CCDC148: variants seen among roughly 807,000 people sequenced by gnomAD.
CCDC148 encodes the protein coiled-coil domain containing 148.
A neutral mutation model predicts 85.7 loss-of-function variants in CCDC148; 89 were observed. The observed-to-expected ratio is 1.04, with a 90% confidence interval of 0.87 to 1.24. The LOEUF (loss-of-function observed/expected upper bound fraction) is 1.24. CCDC148 is among the 50% of genes most tolerant of loss of function. The pLI, the probability that CCDC148 is intolerant of heterozygous loss-of-function variation, is 0.00. For missense variants in CCDC148, 692 were observed against 671.7 expected, an observed-to-expected ratio of 1.03 and a Z score of -0.33; for synonymous variants, 230 against 213.9, an observed-to-expected ratio of 1.08 and a Z score of -0.66.
chr2:158,225,445 C>A (rs1393862025), intron 10 of CCDC148, among the ~76,000 whole-genome samples: 1 of 152,064 alleles, frequency 6.6e-6, no homozygotes, highest in Non-Finnish European at 1.5e-5. Context: ...CAGCTCTGCA[C>A]CAAGCAGAAC....
intron 9 of CCDC148, among the ~76,000 whole-genome samples, chr2:158,273,493 C>A (rs1463565895): frequency 2.0e-5 from 3 of 152,156 alleles, no homozygotes; most frequent in Non-Finnish European, 2.9e-5. Flanking sequence ...GCCTGATGGG[C>A]ACGTGCGTCT....
intron 11 of CCDC148, among the ~76,000 whole-genome samples, chr2:158,213,579 A>C (rs1449875319): frequency 1.3e-5 from 2 of 152,326 alleles, no homozygotes; most frequent in African/African-American, 2.4e-5. Context: ...TAAAGGGGAG[A>C]AAGGCCCCTG....
rs372303170 is a variant in CCDC148, at chr2:158,176,520, C to T, written c.1629+1G>A. ...TCAGTCATGCTAATTTCCATAATTA[C>T]CTGCTGTTCATTGTATGTATTCAAT... On this transcript the variant is annotated splice_donor_variant, in intron 13 of 13. Coordinates refer to ENST00000283233, the MANE Select transcript of CCDC148 (RefSeq NM_138803.4). LOFTEE classifies it high-confidence loss of function. 2.9e-5 allele frequency: 47 copies of T among 1,609,982 alleles called. 2 individuals carry two copies. In the South Asian group the frequency reaches 4.5e-4, roughly 15 times the overall value.
At chr2:158,383,568 T>C (rs1684967119) in intron 1 of CCDC148, among the ~76,000 whole-genome samples, 1 of 135,500 alleles carries the variant, frequency 7.4e-6, no homozygotes, top group African/African-American at 3.3e-5. Flanking sequence ...AAAGAAAAAT[T>C]TTTTTCTTTT....
At chr2:158,422,337 A>C (rs1310536225) in intron 1 of CCDC148, among the ~76,000 whole-genome samples, 1 of 152,212 alleles carries the variant, frequency 6.6e-6, no homozygotes, top group Non-Finnish European at 1.5e-5. Context: ...AAAAATCCTC[A>C]ATAAAGTACT....
chr2:158,349,275 T>C lies in CCDC148; in HGVS notation c.148-3957A>G, dbSNP rs563002723. Among the ~76,000 whole-genome samples the C allele has an allele frequency of 4.2e-3, 637 of 152,100 alleles. 7 individuals are homozygous for C. Among genetic ancestry groups the C allele is most frequent in the African/African-American group, 0.015 (605 of 41,528 alleles). On this transcript the variant is annotated intron_variant, in intron 2 of 13. Coordinates refer to ENST00000283233, the MANE Select transcript of CCDC148 (RefSeq NM_138803.4). ...TTAATATTGCCAGAGAAAAGTGCTG[T>C]AATAATTAACAATGATTATTAAAAC...
intron 11 of CCDC148, among the ~76,000 whole-genome samples, chr2:158,215,671 T>C (rs115453365): frequency 0.024 from 3,592 of 152,300 alleles, 123 homozygotes; most frequent in African/African-American, 0.077. Context: ...AGGACTTATA[T>C]GCCAGCAGCA....
At chr2:158,234,105 G>C (rs1443526025) in intron 10 of CCDC148, among the ~76,000 whole-genome samples, 1 of 151,994 alleles carries the variant, frequency 6.6e-6, no homozygotes, top group African/African-American at 2.4e-5. Context: ...GAACCTGGGA[G>C]ACAGAGGTTG....
At chr2:158,333,570 CTTG>C (rs1299355706) in intron 7 of CCDC148, among the ~76,000 whole-genome samples, 2 of 152,126 alleles carry the variant, frequency 1.3e-5, no homozygotes, top group East Asian at 1.9e-4. Context: ...CCTGGATATC[CTTG>C]TTAACTTTCT....
intron 10 of CCDC148, among the ~76,000 whole-genome samples, chr2:158,248,761 G>A (rs962504631): frequency 6.6e-6 from 1 of 152,070 alleles, no homozygotes; most frequent in African/African-American, 2.4e-5. Flanking sequence ...GATGAGGAGA[G>A]GATATTTAAT....
chr2:158,247,968 G>A lies in CCDC148; in HGVS notation c.1251+2804C>T, dbSNP rs371859984. 1.3e-4 allele frequency among the ~76,000 whole-genome samples: 20 copies of A among 152,168 alleles called. 1 individual carries two copies. The highest frequency in any genetic ancestry group is 9.2e-4 in the Admixed American group (14 of 15,266). On this transcript the variant is annotated intron_variant, in intron 10 of 13. Transcript: ENST00000283233. ...GCAGAACATGCAGGTTTGTTACATA[G>A]GTATACATGTGCCATGGTGGTTTGC...
chr2:158,365,186 G>C (rs1248788964), intron 1 of CCDC148, among the ~76,000 whole-genome samples: 2 of 152,150 alleles, frequency 1.3e-5, no homozygotes, highest in Non-Finnish European at 2.9e-5. Context: ...GAAGAAATAG[G>C]AATGCTTTTA....
Position 158,286,588 on chromosome 2 carries a change from T to A in CCDC148, c.1110+22845A>T, listed in dbSNP as rs368561466. On this transcript the variant is annotated intron_variant, in intron 9 of 13. Coordinates refer to ENST00000283233, the MANE Select transcript of CCDC148 (RefSeq NM_138803.4). The stretch of plus-strand genomic sequence containing the variant: ...AACAACAAGGTAGGAGGGCATTTTC[T>A]ATAGCAACACTCATTACAAAGCTAT... 2.0e-5 allele frequency among the ~76,000 whole-genome samples: 3 copies of A among 152,196 alleles called. 1 individual carries two copies. In the East Asian group the frequency reaches 5.8e-4, roughly 29 times the overall value.
intron 1 of CCDC148, among the ~76,000 whole-genome samples, chr2:158,389,047 T>G (rs1347878494): frequency 6.6e-6 from 1 of 152,166 alleles, no homozygotes; most frequent in Non-Finnish European, 1.5e-5. Context: ...CTCTTGGCAC[T>G]AATGTCATAA....
intron 11 of CCDC148, among the ~76,000 whole-genome samples, chr2:158,197,875 A>C (rs1183533457): frequency 1.3e-5 from 2 of 152,080 alleles, no homozygotes; most frequent in African/African-American, 2.4e-5. Flanking sequence ...AAATGCATTC[A>C]TTAACTGGTT....
intron 2 of CCDC148, among the ~76,000 whole-genome samples, chr2:158,347,952 T>A (rs1683076462): frequency 6.6e-6 from 1 of 152,092 alleles, no homozygotes; most frequent in Non-Finnish European, 1.5e-5. Flanking sequence ...TTTATCGGGT[T>A]GACAAAAACT....
At chr2:158,446,448 T>C (rs1688161019) in intron 1 of CCDC148, among the ~76,000 whole-genome samples, 1 of 152,210 alleles carries the variant, frequency 6.6e-6, no homozygotes, top group East Asian at 1.9e-4. Context: ...GTCAACTAGT[T>C]TTCCTCACAA....
At chr2:158,188,294 A>G (rs1161778911) in intron 11 of CCDC148, among the ~76,000 whole-genome samples, 1 of 152,046 alleles carries the variant, frequency 6.6e-6, no homozygotes, top group Non-Finnish European at 1.5e-5. Context: ...ACTTTGAGCA[A>G]TAGAACTTCC....
intron 1 of CCDC148, among the ~76,000 whole-genome samples, chr2:158,435,380 C>T (rs984381611): frequency 6.6e-6 from 1 of 152,180 alleles, no homozygotes; most frequent in Non-Finnish European, 1.5e-5. Flanking sequence ...CCAAACTAAG[C>T]TTCATAAGTG....
Sources: allele counts gnomAD v4.1 joint callset (sites outside exome capture counted in the v4.1 genomes callset), GRCh38; gene constraint gnomAD v4.1.1; transcripts MANE v1.5; gene names NCBI Gene and HGNC (gene_info 2026-07-23, HGNC 2026-07-21).